HTR1E: variants seen among roughly 807,000 people sequenced by gnomAD.
HTR1E encodes the protein 5-hydroxytryptamine receptor 1E.
A neutral mutation model predicts 3.4 loss-of-function variants in HTR1E; 3 were observed. That is an observed-to-expected ratio of 0.89 (90% CI 0.41 to 2.31). The LOEUF (loss-of-function observed/expected upper bound fraction) is 2.31. Ranked by LOEUF, HTR1E falls within the 30% of genes most tolerant of loss-of-function variation. The pLI, the probability that HTR1E is intolerant of heterozygous loss-of-function variation, is 0.05. For synonymous variants in HTR1E, 170 were observed against 182.8 expected (o/e 0.93, Z 0.56); for missense variants, 392 against 467.0 (o/e 0.84, Z 1.48).
chr6:87,003,844 G>T (rs1186609628), intron 1 of HTR1E, among the ~76,000 whole-genome samples: 3 of 151,958 alleles, frequency 2.0e-5, no homozygotes, highest in Non-Finnish European at 4.4e-5. Context: ...TTTTTAAAAA[G>T]ATTAACAAAA....
chr6:86,975,943 A>ACT (rs1401932056), intron 1 of HTR1E, among the ~76,000 whole-genome samples: 16 of 147,222 alleles, frequency 1.1e-4, no homozygotes, highest in African/African-American at 4.1e-4. Flanking sequence ...ACACACACAC[A>ACT]CACACTCTCT....
In HTR1E at chr6:87,015,261, C is replaced by G; in HGVS notation, c.-74C>G. On this transcript the variant is annotated 5_prime_UTR_variant, in exon 2 of 2. Coordinates refer to ENST00000305344, the MANE Select transcript of HTR1E (RefSeq NM_000865.3). The stretch of plus-strand genomic sequence containing the variant: ...AGCCTCCTTACAAGTGAGAAACCTT[C>G]GAGGCTACATAGTTTTCAGCCAAAG... 1 of 1,336,456 alleles carries G rather than the reference C, an allele frequency of 7.5e-7. No individual in the cohort carries two copies. The highest frequency in any genetic ancestry group is 1.0e-6 in the Non-Finnish European group (1 of 995,912). The allele number at this position is 1,336,456 out of a possible 1,614,324, so 82.8% of individuals were successfully genotyped here. A position where few individuals can be genotyped will look rare whatever the true frequency, so the allele number is the denominator to read the frequency against.
chr6:86,948,063 G>A (rs1035286346), intron 1 of HTR1E, among the ~76,000 whole-genome samples: 14 of 152,104 alleles, frequency 9.2e-5, no homozygotes, highest in African/African-American at 2.7e-4. Context: ...GCCCCAGTGT[G>A]TGATGTTCCC....
At chr6:86,976,066 G>C (rs544675962) in intron 1 of HTR1E, among the ~76,000 whole-genome samples, 89 of 152,080 alleles carry the variant, frequency 5.9e-4, no homozygotes, top group Non-Finnish European at 9.9e-4. Context: ...GGAAAACACC[G>C]CCTATTGTAT....
At chr6:86,955,737 T>TGC (rs1205866869) in intron 1 of HTR1E, among the ~76,000 whole-genome samples, 1 of 151,830 alleles carries the variant, frequency 6.6e-6, no homozygotes, top group Non-Finnish European at 1.5e-5. Flanking sequence ...AGAGAGTGTG[T>TGC]GTGTGTGTAT....
intron 1 of HTR1E, among the ~76,000 whole-genome samples, chr6:86,998,578 TAGAGCAAATGGATAATTC>T (rs1767976199): frequency 6.6e-6 from 1 of 152,104 alleles, no homozygotes; most frequent in South Asian, 2.1e-4. Context: ...AAATAACGCT[TAGAGCAAATGGATAATTC>T]TAGGTGCTTA....
chr6:87,001,374 C>T (rs1005733275), intron 1 of HTR1E, among the ~76,000 whole-genome samples: 1 of 152,076 alleles, frequency 6.6e-6, no homozygotes, highest in Non-Finnish European at 1.5e-5. Context: ...AGTAGGTGAA[C>T]GGATTTAAAA....
intron 1 of HTR1E, among the ~76,000 whole-genome samples, chr6:86,998,808 A>T (rs886550395): frequency 4.5e-4 from 69 of 152,174 alleles, no homozygotes; most frequent in African/African-American, 1.6e-3. Context: ...ATAAAATTGA[A>T]AAATTATTAC....
chr6:87,011,110 C>T (rs1250512107), intron 1 of HTR1E, among the ~76,000 whole-genome samples: 1 of 152,180 alleles, frequency 6.6e-6, no homozygotes, highest in Non-Finnish European at 1.5e-5. Context: ...TACTATGTGA[C>T]CTCTGAATTT....
Position 86,942,870 on chromosome 6 carries a change from G to C in HTR1E, c.-186+5047G>C, listed in dbSNP as rs117297904. On this transcript the variant is annotated intron_variant, in intron 1 of 1. Coordinates refer to ENST00000305344, the MANE Select transcript of HTR1E (RefSeq NM_000865.3). ...TAAATGAAGCATCTTACCAAGAAGGGATGAAAAATGACTTTAGAGGAAGCA... is the reference window on the plus strand; with the variant it reads ...TAAATGAAGCATCTTACCAAGAAGGCATGAAAAATGACTTTAGAGGAAGCA... Among the ~76,000 whole-genome samples the C allele has an allele frequency of 4.6e-3, 699 of 152,254 alleles. 4 individuals carry two copies. Among genetic ancestry groups the C allele is most frequent in the Non-Finnish European group, 7.0e-3 (476 of 68,014 alleles).
At position 86,985,787 on chromosome 6, in the gene HTR1E, G is replaced by A. The variant is rs1212490400; in HGVS notation, c.-185-29363G>A. Among the ~76,000 whole-genome samples, 5 of 152,174 alleles carry A rather than the reference G, an allele frequency of 3.3e-5. No homozygotes were observed. In the East Asian group the frequency reaches 9.6e-4, roughly 29 times the overall value. On this transcript the variant is annotated intron_variant, in intron 1 of 1. Coordinates refer to ENST00000305344, the MANE Select transcript of HTR1E (RefSeq NM_000865.3). ...GCCCCAATTACCAGTATCTACCCAG[G>A]TTTGGAGAACTGAATAAAATTCAAT... is the stretch of plus-strand genomic sequence containing the variant.
intron 1 of HTR1E, among the ~76,000 whole-genome samples, chr6:86,954,933 A>G (rs144717110): frequency 7.2e-5 from 11 of 152,306 alleles, no homozygotes; most frequent in Non-Finnish European, 1.3e-4. Flanking sequence ...AATATTCCAG[A>G]GCACCATCTC....
intron 1 of HTR1E, among the ~76,000 whole-genome samples, chr6:87,004,667 C>G (rs575704463): frequency 5.3e-4 from 80 of 152,194 alleles, no homozygotes; most frequent in Middle Eastern, 6.8e-3. Context: ...AAAGTCTTTC[C>G]TCTAAGATCT....
intron 1 of HTR1E, among the ~76,000 whole-genome samples, chr6:86,960,358 A>G (rs143274001): frequency 6.6e-6 from 1 of 152,186 alleles, no homozygotes; most frequent in Non-Finnish European, 1.5e-5. Context: ...ATAAAGGCAG[A>G]CCCCTCCTGA....
At chr6:86,990,445 T>C (rs1767856889) in intron 1 of HTR1E, among the ~76,000 whole-genome samples, 1 of 152,194 alleles carries the variant, frequency 6.6e-6, no homozygotes, top group African/African-American at 2.4e-5. Context: ...AAAGAGGTGT[T>C]GTTGCCAGTC....
intron 1 of HTR1E, among the ~76,000 whole-genome samples, chr6:87,003,331 A>G (rs905244856): frequency 1.3e-5 from 2 of 152,208 alleles, no homozygotes; most frequent in Admixed American, 1.3e-4. Flanking sequence ...TGAGGTCAGG[A>G]GTTCAAGACC....
chr6:86,985,125 C>T lies in HTR1E; in HGVS notation c.-185-30025C>T, dbSNP rs56190841. Among the ~76,000 whole-genome samples the T allele has an allele frequency of 6.0e-3, 909 of 152,188 alleles. 4 individuals are homozygous for T. Among genetic ancestry groups the T allele is most frequent in the South Asian group, 0.014 (67 of 4,812 alleles). On this transcript the variant is annotated intron_variant, in intron 1 of 1. Transcript: ENST00000305344. ...CAGCAAATGCTTACTAAACATCTAC[C>T]GGCTGGCACTTGCTGGGCCGTAAAC...
chr6:86,999,238 A>C (rs1767984956), intron 1 of HTR1E, among the ~76,000 whole-genome samples: 1 of 152,152 alleles, frequency 6.6e-6, no homozygotes, highest in Non-Finnish European at 1.5e-5. Flanking sequence ...CTGGTATTAC[A>C]GGCATGAGCC....
rs1230211120 is a variant in HTR1E at position 86,996,933 on chromosome 6, A to G, written c.-185-18217A>G. ...GCAGTAAAAAAAAAGTTAGAGATCA[A>G]TATCTTCCATGAATATAGACATTCA... On this transcript the variant is annotated intron_variant, in intron 1 of 1. Transcript: ENST00000305344. Among the ~76,000 whole-genome samples, 13 of 152,128 alleles carry G rather than the reference A, an allele frequency of 8.5e-5. No homozygotes were observed. In the South Asian group the frequency reaches 1.9e-3, roughly 22 times the overall value.
Sources: allele counts gnomAD v4.1 joint callset (sites outside exome capture counted in the v4.1 genomes callset), GRCh38; gene constraint gnomAD v4.1.1; transcripts MANE v1.5; gene names NCBI Gene and HGNC (gene_info 2026-07-23, HGNC 2026-07-21).